ANKS1B: variants seen among roughly 807,000 people sequenced by gnomAD.
ANKS1B encodes ankyrin repeat and sterile alpha motif domain containing 1B.
In ANKS1B, 36 loss-of-function variants were observed where a neutral mutation model predicts 148.3. That is an observed-to-expected ratio of 0.24 (90% CI 0.19 to 0.32). The LOEUF (loss-of-function observed/expected upper bound fraction) is 0.32. Ranked by LOEUF, ANKS1B falls within the 10% of genes least tolerant of loss-of-function variation. ANKS1B has a pLI of 1.00. For synonymous variants in ANKS1B, 542 were observed against 560.8 expected (o/e 0.97, Z 0.47); for missense variants, 1,157 against 1,542.6 (o/e 0.75, Z 4.19).
chr12:99,821,666 AGAAAAGTAGTATGCCTCAAAT>A (rs2082520098), intron 2 of ANKS1B, among the ~76,000 whole-genome samples: 1 of 152,048 alleles, frequency 6.6e-6, no homozygotes, highest in Non-Finnish European at 1.5e-5. Context: ...AGAAAGAACA[AGAAAAGTAGTATGCCTCAAAT>A]GAAAGGTCAG....
intron 1 of ANKS1B, among the ~76,000 whole-genome samples, chr12:99,890,040 C>T (rs770525429): frequency 1.3e-4 from 20 of 152,090 alleles, no homozygotes; most frequent in Non-Finnish European, 2.6e-4. Flanking sequence ...TGCTGAATGT[C>T]CTTTCTTTGA....
At chr12:99,030,234 GGGCTGGCAGAGGCT>G (rs1159390673) in intron 17 of ANKS1B, among the ~76,000 whole-genome samples, 1 of 152,204 alleles carries the variant, frequency 6.6e-6, no homozygotes, top group East Asian at 1.9e-4. Context: ...GCAAGTGCAG[GGGCTGGCAGAGGCT>G]GCTTCAGCCT....
At chr12:99,707,221 C>G (rs182669039) in intron 8 of ANKS1B, among the ~76,000 whole-genome samples, 6 of 152,008 alleles carry the variant, frequency 3.9e-5, no homozygotes, top group Admixed American at 1.3e-4. Context: ...ATTGCCCAAG[C>G]CTCCAGTTTG....
At chr12:99,745,104 G>A (rs779059242) in intron 8 of ANKS1B, among the ~76,000 whole-genome samples, 28 of 151,454 alleles carry the variant, frequency 1.8e-4, no homozygotes, top group Admixed American at 2.0e-4. Flanking sequence ...AAAGACTCAG[G>A]ATGTTCAAAG....
chr12:98,800,925 TA>T, intron 21 of ANKS1B, 71 bp downstream of exon 21: 1 of 1,507,040 alleles, frequency 6.6e-7, no homozygotes, highest in Non-Finnish European at 9.0e-7. Flanking sequence ...ATTTTCAATG[TA>T]AATGCAAACA....
At chr12:99,666,371 A>T (rs1567600136) in intron 8 of ANKS1B, among the ~76,000 whole-genome samples, 1 of 152,218 alleles carries the variant, frequency 6.6e-6, no homozygotes, top group Non-Finnish European at 1.5e-5. Flanking sequence ...CCATAGTACA[A>T]TTTGGGGAGA....
At chr12:99,407,863 T>G (rs534737763) in intron 11 of ANKS1B, among the ~76,000 whole-genome samples, 1 of 145,246 alleles carries the variant, frequency 6.9e-6, no homozygotes, top group Non-Finnish European at 1.5e-5. Flanking sequence ...TATAAGAAAA[T>G]GAAAAGATAT....
intron 1 of ANKS1B, among the ~76,000 whole-genome samples, chr12:99,968,035 G>T (rs1272157428): frequency 6.6e-5 from 10 of 152,144 alleles, no homozygotes; most frequent in Non-Finnish European, 1.5e-5. Context: ...CTGAGTTTGG[G>T]GTAGAAGAAG....
chr12:99,092,084 G>T (rs554316014), intron 15 of ANKS1B, among the ~76,000 whole-genome samples: 1 of 152,206 alleles, frequency 6.6e-6, no homozygotes, highest in African/African-American at 2.4e-5. Flanking sequence ...TCCCTGCTTT[G>T]CTCCAGTCCT....
intron 9 of ANKS1B, among the ~76,000 whole-genome samples, chr12:99,641,240 A>G (rs895551540): frequency 3.9e-5 from 6 of 152,240 alleles, no homozygotes; most frequent in African/African-American, 1.4e-4. Context: ...TTGCATTTAT[A>G]TTGAAAGAGC....
At chr12:99,979,959 G>A (rs1216599538) in intron 1 of ANKS1B, among the ~76,000 whole-genome samples, 1 of 151,832 alleles carries the variant, frequency 6.6e-6, no homozygotes, top group Non-Finnish European at 1.5e-5. Flanking sequence ...TTACATCTCT[G>A]GATGATACAG....
chr12:99,054,121 TG>T (rs2153534908), intron 16 of ANKS1B, among the ~76,000 whole-genome samples: 1 of 152,346 alleles, frequency 6.6e-6, no homozygotes, highest in South Asian at 2.1e-4. Context: ...CTGTGGTTCT[TG>T]GTTTTCGAAG....
At chr12:99,164,459 C>T (rs776045754) in intron 14 of ANKS1B, among the ~76,000 whole-genome samples, 28 of 151,758 alleles carry the variant, frequency 1.8e-4, no homozygotes, top group Non-Finnish European at 4.0e-4. Context: ...ACTCTGGTAA[C>T]ATTCTTATTC....
At chr12:99,129,883 T>C (rs2065598433) in intron 15 of ANKS1B, among the ~76,000 whole-genome samples, 1 of 152,194 alleles carries the variant, frequency 6.6e-6, no homozygotes, top group Non-Finnish European at 1.5e-5. Flanking sequence ...AAATGATAAG[T>C]TTAAAACATT....
chr12:99,254,528 C>T (rs529753892), intron 12 of ANKS1B, among the ~76,000 whole-genome samples: 8 of 152,226 alleles, frequency 5.3e-5, no homozygotes, highest in South Asian at 2.1e-4. Context: ...ATGTCTAAAC[C>T]TAAAGTAAAT....
intron 6 of ANKS1B, among the ~76,000 whole-genome samples, chr12:99,775,869 C>A (rs2063600387): frequency 6.6e-6 from 1 of 152,014 alleles, no homozygotes; most frequent in South Asian, 2.1e-4. Flanking sequence ...TAAAAAAAGA[C>A]ACTGGATTAT....
intron 20 of ANKS1B, among the ~76,000 whole-genome samples, chr12:98,802,330 CA>C (rs1256338905): frequency 6.6e-6 from 1 of 152,056 alleles, no homozygotes; most frequent in Admixed American, 6.6e-5. Context: ...GAGTCTAGGA[CA>C]AGAATGCAAA....
At chr12:99,534,123 A>C (rs1249934158) in intron 9 of ANKS1B, among the ~76,000 whole-genome samples, 1 of 152,234 alleles carries the variant, frequency 6.6e-6, no homozygotes, top group Admixed American at 6.5e-5. Context: ...AACAACAAAA[A>C]TATTGACAAA....
At chr12:98,735,639 A>G (rs1378178087) in intron 9 of ANKS1B, 1 of 765,726 alleles carries the variant, frequency 1.3e-6, no homozygotes, top group Non-Finnish European at 2.5e-6. Context: ...AAGATCCTGT[A>G]AAAAAGAGAA....
Sources: allele counts gnomAD v4.1 joint callset (sites outside exome capture counted in the v4.1 genomes callset), GRCh38; gene constraint gnomAD v4.1.1; transcripts MANE v1.5; gene names NCBI Gene and HGNC (gene_info 2026-07-23, HGNC 2026-07-21).